SMOC2: variants seen among roughly 807,000 people sequenced by gnomAD.
SMOC2 encodes the protein SPARC-related modular calcium-binding protein 2.
In SMOC2, 39 loss-of-function variants were observed where a neutral mutation model predicts 61.4. That is an observed-to-expected ratio of 0.64 (90% confidence interval 0.49 to 0.83). SMOC2 has a LOEUF of 0.83. SMOC2 is among the 40% of genes least tolerant of loss of function. The probability of loss-of-function intolerance (pLI) is 0.00; values close to 1 mark genes in which losing one functional copy is unlikely to be tolerated. For synonymous variants in SMOC2, 247 were observed against 239.9 expected (o/e 1.03, Z -0.27); for missense variants, 556 against 592.9 (o/e 0.94, Z 0.65).
At chr6:168,650,892 C>A in intron 10 of SMOC2, 109 bp downstream of exon 10, 3 of 969,770 alleles carry the variant, frequency 3.1e-6, no homozygotes, top group Non-Finnish European at 4.5e-6. Flanking sequence ...TATTTGGACA[C>A]AGTAGGGCCT....
chr6:168,636,850 G>GCCTC (rs1786736834), intron 9 of SMOC2, among the ~76,000 whole-genome samples: 1 of 121,818 alleles, frequency 8.2e-6, no homozygotes, highest in Non-Finnish European at 1.7e-5. Flanking sequence ...TATGCCTCCT[G>GCCTC]CCTCCCTCCT....
At chr6:168,578,436 C>A (rs1784853961) in intron 7 of SMOC2, among the ~76,000 whole-genome samples, 1 of 152,146 alleles carries the variant, frequency 6.6e-6, no homozygotes. Flanking sequence ...GAGACGGGGG[C>A]AGACAGTCTC....
intron 9 of SMOC2, among the ~76,000 whole-genome samples, chr6:168,635,966 A>G (rs1259732835): frequency 2.0e-5 from 3 of 152,216 alleles, no homozygotes; most frequent in African/African-American, 7.2e-5. Context: ...AGCTTATAAA[A>G]ATAAACATTT....
chr6:168,631,239 G>A (rs946514714), intron 9 of SMOC2, among the ~76,000 whole-genome samples: 15 of 152,200 alleles, frequency 9.9e-5, no homozygotes, highest in African/African-American at 2.4e-4. Flanking sequence ...TTCTCAAGCC[G>A]GCTGATGCTT....
At chr6:168,531,396 T>C (rs1212316279) in intron 4 of SMOC2, among the ~76,000 whole-genome samples, 1 of 152,210 alleles carries the variant, frequency 6.6e-6, no homozygotes, top group Non-Finnish European at 1.5e-5. Flanking sequence ...CTGAAAGCGG[T>C]AACGCAGGCT....
intron 1 of SMOC2, among the ~76,000 whole-genome samples, chr6:168,460,317 A>G (rs1781691996): frequency 6.6e-6 from 1 of 152,214 alleles, no homozygotes; most frequent in Admixed American, 6.5e-5. Context: ...CAATGTAACA[A>G]CATAATAGAC....
At chr6:168,619,124 A>G (rs1786180616) in intron 9 of SMOC2, among the ~76,000 whole-genome samples, 1 of 152,136 alleles carries the variant, frequency 6.6e-6, no homozygotes, top group South Asian at 2.1e-4. Flanking sequence ...TTGTTGAGTT[A>G]TTTTAGAAGC....
Position 168,518,496 on chromosome 6 carries a change from CATGTGTGA to C in SMOC2, c.257-7842_257-7835del, listed in dbSNP as rs1428824035. Among the ~76,000 whole-genome samples, 212 of 71,506 alleles carry C rather than the reference CATGTGTGA, an allele frequency of 3.0e-3. 2 individuals are homozygous for C. Among genetic ancestry groups the C allele is most frequent in the African/African-American group, 6.2e-3 (193 of 31,064 alleles). The allele number at this position is 71,506 out of a possible 152,430, so 46.9% of individuals were successfully genotyped here. A position where few individuals can be genotyped will look rare whatever the true frequency, so the allele number is the denominator to read the frequency against. ...CTGTGAGTGTACATATGTGAGTGTG[CATGTGTGA>C]ATGTGTGTAAATGTGCATGTGTGGA... On this transcript the variant is annotated intron_variant, in intron 2 of 12. Transcript: ENST00000356284.
intron 9 of SMOC2, among the ~76,000 whole-genome samples, chr6:168,624,613 CAG>C (rs1319136367): frequency 1.0e-4 from 11 of 107,572 alleles, no homozygotes; most frequent in South Asian, 3.5e-4. Context: ...CACAGACACA[CAG>C]AGACACAGAC....
intron 9 of SMOC2, among the ~76,000 whole-genome samples, chr6:168,641,235 C>T (rs1786883845): frequency 6.6e-6 from 1 of 152,136 alleles, no homozygotes; most frequent in African/African-American, 2.4e-5. Context: ...GAAATGCTCG[C>T]TCCTCCCCGG....
At chr6:168,556,913 C>T (rs1214717527) in intron 7 of SMOC2, among the ~76,000 whole-genome samples, 1 of 151,680 alleles carries the variant, frequency 6.6e-6, no homozygotes, top group Admixed American at 6.6e-5. Flanking sequence ...TCCTCCCTAA[C>T]CCATTAAAAA....
At chr6:168,550,696 C>T (rs989772938) in intron 7 of SMOC2, among the ~76,000 whole-genome samples, 37 of 152,146 alleles carry the variant, frequency 2.4e-4, no homozygotes, top group Admixed American at 2.0e-3. Context: ...CAAGGGCCCC[C>T]CACCGTCTAC....
intron 9 of SMOC2, among the ~76,000 whole-genome samples, chr6:168,612,126 G>A (rs1161402142): frequency 6.6e-5 from 10 of 152,232 alleles, no homozygotes; most frequent in East Asian, 1.9e-4. Flanking sequence ...CTAGGGCCCC[G>A]CAGCACTGGT....
intron 1 of SMOC2, among the ~76,000 whole-genome samples, chr6:168,503,276 G>A (rs1056802208): frequency 6.7e-6 from 1 of 148,484 alleles, no homozygotes; most frequent in Non-Finnish European, 1.5e-5. Context: ...CGGGGTTTCA[G>A]CATGTTGGCC....
chr6:168,516,461 T>C (rs1009000016), intron 2 of SMOC2, among the ~76,000 whole-genome samples: 1 of 151,890 alleles, frequency 6.6e-6, no homozygotes, highest in Non-Finnish European at 1.5e-5. Context: ...AGCAGCTTCC[T>C]TGGAGATCTG....
chr6:168,610,057 T>A (rs1785815601), intron 9 of SMOC2, among the ~76,000 whole-genome samples: 1 of 152,198 alleles, frequency 6.6e-6, no homozygotes, highest in Non-Finnish European at 1.5e-5. Context: ...GATGACACAG[T>A]CATTTGTCCA....
At chr6:168,446,875 A>G (rs906402026) in intron 1 of SMOC2, among the ~76,000 whole-genome samples, 1 of 152,242 alleles carries the variant, frequency 6.6e-6, no homozygotes, top group African/African-American at 2.4e-5. Context: ...TTCAACACAG[A>G]GAGTCTCAGA....
At chr6:168,597,299 C>T (rs1257146106) in intron 7 of SMOC2, among the ~76,000 whole-genome samples, 1 of 152,198 alleles carries the variant, frequency 6.6e-6, no homozygotes, top group Non-Finnish European at 1.5e-5. Flanking sequence ...AGATGTTAAA[C>T]AGAGTTGCTA....
rs750178882 is a variant in SMOC2, at chr6:168,664,384, C to CTT, written c.1323+304_1323+305dup. 19 of 330,350 alleles carry CTT rather than the reference C, an allele frequency of 5.8e-5. 1 individual carries two copies. The highest frequency in any genetic ancestry group is 4.7e-4 in the African/African-American group (12 of 25,720). 20.5% of individuals were successfully genotyped at this position (330,350 alleles called of 1,614,324 possible). A position where few individuals can be genotyped will look rare whatever the true frequency, so the allele number is the denominator to read the frequency against. The stretch of plus-strand genomic sequence containing the variant: ...TTCTGAGTTTCCTTGTTTGGTAGAT[C>CTT]TTTTTTTTTTTTTTTTTTTTTTTTT... On this transcript the variant is annotated intron_variant, in intron 12 of 12. Coordinates refer to ENST00000356284, the MANE Select transcript of SMOC2 (RefSeq NM_001166412.2).
Sources: gnomAD v4.1 joint callset for allele counts (sites outside exome capture counted in the v4.1 genomes callset) on GRCh38, gnomAD v4.1.1 for gene constraint, MANE v1.5 for transcripts, NCBI Gene and HGNC (gene_info 2026-07-23, HGNC 2026-07-21) for gene names.